The following MROH9 variants were observed in gnomAD, a reference collection of about 807,000 sequenced individuals.
MROH9 encodes maestro heat like repeat family member 9, also known as maestro heat-like repeat-containing protein family member 9.
Under a neutral mutation model 98.2 loss-of-function variants are expected in MROH9, and 92 were observed. The ratio of observed to expected loss-of-function variants is 0.94; its 90% CI spans 0.79 to 1.11. The LOEUF is 1.11. MROH9 is among the 50% of genes most tolerant of loss of function. The pLI is 0.00. For synonymous variants in MROH9, 397 were observed against 368.9 expected (o/e 1.08, Z -0.87); for missense variants, 1,057 against 1,014.8 (o/e 1.04, Z -0.57).
In MROH9 at chr1:171,064,520, A is replaced by G; in HGVS notation, c.*180A>G. 1 of 571,146 alleles carries G rather than the reference A, an allele frequency of 1.8e-6. No homozygotes were observed. Among genetic ancestry groups the G allele is most frequent in the Non-Finnish European group, 2.9e-6 (1 of 347,708 alleles). 35.4% of individuals were successfully genotyped at this position (571,146 alleles called of 1,614,324 possible). A position where few individuals can be genotyped will look rare whatever the true frequency, so the allele number is the denominator to read the frequency against. ...TTACTTCTTAATTCTCTATTCAAAT[A>G]TAGAAATCTGAGAGAACTAGTGCCT... On this transcript the variant is annotated 3_prime_UTR_variant, in exon 22 of 22. Coordinates refer to ENST00000367759, the MANE Select transcript of MROH9 (RefSeq NM_001163629.2).
chr1:171,021,511 A>G (rs1444417540), intron 17 of MROH9, among the ~76,000 whole-genome samples: 1 of 152,212 alleles, frequency 6.6e-6, no homozygotes, highest in African/African-American at 2.4e-5. Context: ...CAATAGGGAA[A>G]AGATTCCCTA....
intron 3 of MROH9, among the ~76,000 whole-genome samples, chr1:170,955,286 C>A (rs1178493757): frequency 1.3e-5 from 2 of 151,982 alleles, no homozygotes; most frequent in African/African-American, 2.4e-5. Flanking sequence ...CGTGCTTGTG[C>A]CAGTTTCTTT....
intron 20 of MROH9, among the ~76,000 whole-genome samples, chr1:171,046,037 T>C (rs1440119661): frequency 6.6e-6 from 1 of 152,198 alleles, no homozygotes; most frequent in African/African-American, 2.4e-5. Context: ...CCTTTTATCA[T>C]TATATAGTGA....
intron 15 of MROH9, among the ~76,000 whole-genome samples, chr1:171,005,534 G>A (rs1651925813): frequency 6.6e-6 from 1 of 152,056 alleles, no homozygotes; most frequent in Non-Finnish European, 1.5e-5. Context: ...AATTTTTATA[G>A]CTATTGTAAA....
intron 1 of MROH9, among the ~76,000 whole-genome samples, chr1:170,937,570 G>A (rs865807331): frequency 1.5e-4 from 21 of 139,374 alleles, no homozygotes; most frequent in Middle Eastern, 8.7e-3. Context: ...CGCCCAGGCT[G>A]GAGTGCAGTG....
Position 171,025,366 on chromosome 1 carries a change from C to T in MROH9, c.2227C>T (p.Arg743Ter), listed in dbSNP as rs752128552. 20 of 1,550,194 alleles carry T rather than the reference C, an allele frequency of 1.3e-5. 1 individual carries two copies. The highest frequency in any genetic ancestry group is 6.9e-5 in the African/African-American group (5 of 72,984). ...YITDLTSDTL[R>*]FLWSPRTYLK... is the part of the protein sequence containing the mutation. ...TACAGATTTGACATCTGATACCTTA[C>T]GATTCCTGTGGAGCCCCAGAACATA... The change falls in exon 20 of 22, where the codon CGA (arginine) becomes TGA (stop). Residue 743 changes from arginine to a stop codon, truncating the protein, a stop_gained. Coordinates refer to ENST00000367759, the MANE Select transcript of MROH9 (RefSeq NM_001163629.2). LOFTEE classifies it high-confidence loss of function.
intron 1 of MROH9, among the ~76,000 whole-genome samples, chr1:170,938,980 C>G (rs1484919378): frequency 1.3e-5 from 2 of 152,230 alleles, no homozygotes; most frequent in Admixed American, 1.3e-4. Flanking sequence ...CTACTTTGCT[C>G]ATGAGCCTAT....
chr1:171,036,788 T>TA lies in MROH9; in HGVS notation c.2281+11380dup, dbSNP rs569866228. On this transcript the variant is annotated intron_variant, in intron 20 of 21. Coordinates refer to ENST00000367759, the MANE Select transcript of MROH9 (RefSeq NM_001163629.2). Reference sequence around the variant, plus strand: ...TCACCAGAATAGATGAATACAAAAATAAAAAAAAAAAACTTTGAGTAAAAT... The same window carrying TA: ...TCACCAGAATAGATGAATACAAAAATAAAAAAAAAAAAACTTTGAGTAAAAT... Among the ~76,000 whole-genome samples, 388 of 138,552 alleles carry TA rather than the reference T, an allele frequency of 2.8e-3. 1 individual carries two copies. The highest frequency in any genetic ancestry group is 0.015 in the Middle Eastern group (4 of 272). 90.9% of individuals were successfully genotyped at this position (138,552 alleles called of 152,430 possible).
intron 6 of MROH9, among the ~76,000 whole-genome samples, chr1:170,962,367 A>G (rs1650046956): frequency 6.6e-6 from 1 of 152,198 alleles, no homozygotes; most frequent in Admixed American, 6.5e-5. Flanking sequence ...CAGGTGCTAA[A>G]GAAAATGCTG....
intron 20 of MROH9, among the ~76,000 whole-genome samples, chr1:171,053,900 AAG>A (rs1485568963): frequency 6.6e-6 from 1 of 152,224 alleles, no homozygotes; most frequent in African/African-American, 2.4e-5. Flanking sequence ...AGATTTCAAA[AAG>A]AGAGAGGAGA....
intron 9 of MROH9, among the ~76,000 whole-genome samples, chr1:170,984,347 C>T (rs976314828): frequency 1.3e-5 from 2 of 152,146 alleles, no homozygotes; most frequent in African/African-American, 4.8e-5. Flanking sequence ...AGAAGCAATA[C>T]ATCTAACATG....
intron 2 of MROH9, among the ~76,000 whole-genome samples, chr1:170,947,235 A>G (rs2101872665): frequency 6.6e-6 from 1 of 152,178 alleles, no homozygotes; most frequent in South Asian, 2.1e-4. Context: ...AATGTTGAGA[A>G]TTGTATTATA....
At chr1:170,944,780 C>T (rs530861551) in intron 1 of MROH9, among the ~76,000 whole-genome samples, 10 of 151,892 alleles carry the variant, frequency 6.6e-5, no homozygotes, top group South Asian at 2.1e-4. Context: ...AATTTTAAGA[C>T]GGCCCCCAAT....
chr1:171,002,788 C>T (rs1278675491), intron 15 of MROH9, among the ~76,000 whole-genome samples: 1 of 152,154 alleles, frequency 6.6e-6, no homozygotes, highest in Non-Finnish European at 1.5e-5. Flanking sequence ...CTTCTATCTG[C>T]ATGTCGAGAT....
intron 6 of MROH9, 21 bp from the exon 7 acceptor site, chr1:170,965,126 AGGAT>A: frequency 1.3e-6 from 2 of 1,550,696 alleles, no homozygotes; most frequent in Non-Finnish European, 1.8e-6. Context: ...TCATGGTTCT[AGGAT>A]GACTTTTATG....
At chr1:170,978,594 C>T (rs953481735) in intron 8 of MROH9, among the ~76,000 whole-genome samples, 2 of 152,130 alleles carry the variant, frequency 1.3e-5, no homozygotes, top group East Asian at 1.9e-4. Flanking sequence ...CTTCCCCTAG[C>T]CCAAGGGCTG....
intron 20 of MROH9, among the ~76,000 whole-genome samples, chr1:171,034,771 G>T (rs1653041374): frequency 6.6e-6 from 1 of 152,052 alleles, no homozygotes; most frequent in Admixed American, 6.6e-5. Context: ...AAAAATTGGG[G>T]CTACTAGTTT....
intron 20 of MROH9, among the ~76,000 whole-genome samples, chr1:171,035,387 A>C (rs1478073564): frequency 1.3e-5 from 2 of 151,854 alleles, no homozygotes; most frequent in Non-Finnish European, 2.9e-5. Context: ...GCAAATTAGA[A>C]CAATAACAAC....
At position 171,026,334 on chromosome 1, in the gene MROH9, G is replaced by T. The variant is rs28610558; in HGVS notation, c.2281+914G>T. Among the ~76,000 whole-genome samples the T allele has an allele frequency of 9.8e-3, 1,492 of 151,578 alleles. 15 individuals are homozygous for T. Among genetic ancestry groups the T allele is most frequent in the African/African-American group, 0.034 (1,389 of 41,162 alleles). On this transcript the variant is annotated intron_variant, in intron 20 of 21. Transcript: ENST00000367759. The stretch of plus-strand genomic sequence containing the variant: ...CTGTCACCTAGGCTGGAGTGCAGTG[G>T]CACAATCTTGGCTCACTGCAACCTC...
Sources: allele counts gnomAD v4.1 joint callset (sites outside exome capture counted in the v4.1 genomes callset), GRCh38; gene constraint gnomAD v4.1.1; transcripts MANE v1.5; gene names NCBI Gene and HGNC (gene_info 2026-07-23, HGNC 2026-07-21).